Variants in PAM observed in about 807,000 individuals in gnomAD.
PAM encodes peptidylglycine alpha-amidating monooxygenase.
A neutral mutation model predicts 122.1 loss-of-function variants in PAM; 72 were observed. That is an observed-to-expected ratio of 0.59 (90% CI 0.49 to 0.72). The LOEUF is 0.72. Ranked by LOEUF, PAM falls within the 30% of genes least tolerant of loss-of-function variation. The probability of loss-of-function intolerance (pLI) is 0.00; values close to 1 mark genes in which losing one functional copy is unlikely to be tolerated. For missense variants in PAM, 1,106 were observed against 1,183.7 expected, an observed-to-expected ratio of 0.93 and a Z score of 0.96; for synonymous variants, 389 against 404.4, an observed-to-expected ratio of 0.96 and a Z score of 0.46.
intron 7 of PAM, among the ~76,000 whole-genome samples, chr5:102,932,839 G>A (rs1752044509): frequency 6.6e-6 from 1 of 151,970 alleles, no homozygotes; most frequent in Admixed American, 6.6e-5. Flanking sequence ...ATCAATGATT[G>A]TGCTATGATT....
chr5:103,023,835 T>C (rs772716372), intron 23 of PAM, among the ~76,000 whole-genome samples: 5 of 152,108 alleles, frequency 3.3e-5, no homozygotes, highest in Non-Finnish European at 7.4e-5. Flanking sequence ...TCAATAGATA[T>C]CACTGAGACT....
chr5:102,768,316 T>C (rs951127994), intron 1 of PAM, among the ~76,000 whole-genome samples: 11 of 152,244 alleles, frequency 7.2e-5, no homozygotes, highest in African/African-American at 2.6e-4. Flanking sequence ...AAAATGGGTA[T>C]CCATTACCTC....
intron 1 of PAM, among the ~76,000 whole-genome samples, chr5:102,804,070 G>A (rs1450645160): frequency 6.6e-6 from 1 of 152,098 alleles, no homozygotes; most frequent in East Asian, 1.9e-4. Flanking sequence ...GGAATTCCAG[G>A]AGGAAGAAAC....
intron 1 of PAM, among the ~76,000 whole-genome samples, chr5:102,862,219 T>C (rs908398547): frequency 9.4e-4 from 141 of 150,284 alleles, no homozygotes; most frequent in Non-Finnish European, 1.9e-4. Flanking sequence ...TAGACACATA[T>C]TGTCTTTTTT....
chr5:102,956,083 T>G (rs1280010680), intron 12 of PAM, among the ~76,000 whole-genome samples: 4 of 152,114 alleles, frequency 2.6e-5, no homozygotes, highest in Non-Finnish European at 5.9e-5. Context: ...GCTCTTTTAA[T>G]GAAATTTTCC....
chr5:102,826,564 G>A (rs1432941289), intron 1 of PAM, among the ~76,000 whole-genome samples: 2 of 152,100 alleles, frequency 1.3e-5, no homozygotes, highest in Non-Finnish European at 2.9e-5. Flanking sequence ...CTATCTAGAG[G>A]ACGTATTTGA....
chr5:102,911,694 C>T (rs993493234), intron 4 of PAM, among the ~76,000 whole-genome samples: 1 of 151,944 alleles, frequency 6.6e-6, no homozygotes, highest in Admixed American at 6.6e-5. Flanking sequence ...ATTCCCTTAC[C>T]AACAGCTGTC....
Position 103,006,953 on chromosome 5 carries a change from C to T in PAM, c.1956C>T (p.Cys652=). The change falls in exon 19 of 26, where the codon TGC becomes TGT. Residue 652 remains cysteine, a synonymous_variant. Transcript: ENST00000438793. The part of the protein sequence containing the change: ...TGAIYVSDGY[C]NSRIVQFSPS... ...CCATTTATGTATCAGATGGTTACTG[C>T]AACAGCAGGATTGTGCAGTTTTCAC... 1 of 1,613,970 alleles carries T rather than the reference C, an allele frequency of 6.2e-7. No homozygotes were observed. The highest frequency in any genetic ancestry group is 1.3e-5 in the African/African-American group (1 of 75,020).
chr5:102,759,954 TAA>T (rs1306338525), intron 1 of PAM, among the ~76,000 whole-genome samples: 3 of 152,244 alleles, frequency 2.0e-5, no homozygotes, highest in African/African-American at 7.2e-5. Flanking sequence ...TAAGTGTGGC[TAA>T]AAGCAAGGTA....
Position 102,935,423 on chromosome 5 carries a change from G to C in PAM, c.526+8755G>C, listed in dbSNP as rs117099976. On this transcript the variant is annotated intron_variant, in intron 7 of 25. Coordinates refer to ENST00000438793, the MANE Select transcript of PAM (RefSeq NM_001177306.2). Reference sequence around the variant, plus strand: ...TATAAAGGCTGCCTAGTATTCTTTTGTGTGGATATACTCTAATGTGTGTAT... The same window carrying C: ...TATAAAGGCTGCCTAGTATTCTTTTCTGTGGATATACTCTAATGTGTGTAT... Among the ~76,000 whole-genome samples the C allele has an allele frequency of 4.3e-4, 65 of 152,150 alleles. No individual in the cohort carries two copies. In the East Asian group the frequency reaches 0.011, roughly 25 times the overall value.
intron 1 of PAM, among the ~76,000 whole-genome samples, chr5:102,846,630 T>C (rs971385405): frequency 6.6e-6 from 1 of 152,190 alleles, no homozygotes; most frequent in African/African-American, 2.4e-5. Flanking sequence ...GGCCACTTCA[T>C]GGACATCCCA....
chr5:102,860,300 T>C (rs982489717), intron 1 of PAM, among the ~76,000 whole-genome samples: 7 of 152,200 alleles, frequency 4.6e-5, no homozygotes, highest in African/African-American at 1.7e-4. Flanking sequence ...CAGCCTGGTA[T>C]AAGGTGTTCA....
chr5:102,894,904 C>T (rs551140504), intron 3 of PAM, among the ~76,000 whole-genome samples: 5 of 151,866 alleles, frequency 3.3e-5, no homozygotes, highest in African/African-American at 1.2e-4. Context: ...TCTCTACTGT[C>T]ATCACCTAGC....
At chr5:102,930,181 T>C (rs891191432) in intron 7 of PAM, among the ~76,000 whole-genome samples, 1 of 152,192 alleles carries the variant, frequency 6.6e-6, no homozygotes, top group Admixed American at 6.5e-5. Flanking sequence ...ATATCAACCA[T>C]AGTGTCAAGC....
intron 24 of PAM, 68 bp downstream of exon 24, chr5:103,025,402 G>A (rs1562284081): frequency 9.3e-6 from 12 of 1,286,072 alleles, no homozygotes; most frequent in African/African-American, 1.5e-5. Flanking sequence ...ATTATCCTCA[G>A]GAGTTTGATT....
chr5:102,975,672 C>T (rs1160143707), intron 15 of PAM, among the ~76,000 whole-genome samples: 2 of 152,156 alleles, frequency 1.3e-5, no homozygotes, highest in Non-Finnish European at 2.9e-5. Flanking sequence ...TGCAGTTTAT[C>T]ATGCCCCTAT....
chr5:102,942,292 C>T (rs1235376312), intron 7 of PAM, among the ~76,000 whole-genome samples: 1 of 151,904 alleles, frequency 6.6e-6, no homozygotes, highest in Admixed American at 6.6e-5. Flanking sequence ...TGATTTAGCC[C>T]CAGCAAAACA....
chr5:102,968,893 G>A (rs1043367871), intron 14 of PAM, among the ~76,000 whole-genome samples: 10 of 152,108 alleles, frequency 6.6e-5, no homozygotes, highest in Non-Finnish European at 8.8e-5. Context: ...TATACACCAT[G>A]GACTACTATG....
At chr5:102,906,950 G>T (rs1799753281) in intron 4 of PAM, among the ~76,000 whole-genome samples, 1 of 151,698 alleles carries the variant, frequency 6.6e-6, no homozygotes, top group Admixed American at 6.6e-5. Flanking sequence ...TAGCTTGGCT[G>T]ATGAAGTCTA....
Sources: allele counts gnomAD v4.1 joint callset (sites outside exome capture counted in the v4.1 genomes callset), GRCh38; gene constraint gnomAD v4.1.1; transcripts MANE v1.5; gene names NCBI Gene and HGNC (gene_info 2026-07-23, HGNC 2026-07-21).